Variants in TNRC6A observed in about 807,000 individuals in gnomAD.
The protein encoded by TNRC6A is trinucleotide repeat containing adaptor 6A.
TNRC6A carries 44 observed loss-of-function variants against 221.2 expected under a neutral mutation model. The observed-to-expected ratio is 0.20, with a 90% confidence interval of 0.16 to 0.26. TNRC6A has a LOEUF of 0.26. Among genes scored for constraint, TNRC6A ranks in the 10% least tolerant of loss-of-function variants. The pLI is 1.00. For synonymous variants in TNRC6A, 847 were observed against 838.5 expected (o/e 1.01, Z -0.18); for missense variants, 2,199 against 2,404.4 (o/e 0.91, Z 1.79).
At chr16:24,818,181 T>G (rs2058692160) in intron 20 of TNRC6A, among the ~76,000 whole-genome samples, 1 of 152,188 alleles carries the variant, frequency 6.6e-6, no homozygotes, top group Admixed American at 6.5e-5. Context: ...TCACTAGTAG[T>G]GTCTGTGACC....
At chr16:24,696,040 C>T (rs1024984882) in intron 2 of TNRC6A, among the ~76,000 whole-genome samples, 3 of 152,064 alleles carry the variant, frequency 2.0e-5, no homozygotes, top group South Asian at 2.1e-4. Flanking sequence ...AACTCCACTG[C>T]GCTTTTTATG....
chr16:24,742,508 A>G (rs1226643264), intron 2 of TNRC6A, among the ~76,000 whole-genome samples: 1 of 152,202 alleles, frequency 6.6e-6, no homozygotes, highest in African/African-American at 2.4e-5. Context: ...AAGGCAAGGA[A>G]GCAGGAATTG....
At chr16:24,705,907 T>A (rs2056084996) in intron 2 of TNRC6A, among the ~76,000 whole-genome samples, 1 of 152,126 alleles carries the variant, frequency 6.6e-6, no homozygotes, top group African/African-American at 2.4e-5. Flanking sequence ...GGAGACAACA[T>A]AATGACTATT....
chr16:24,715,822 T>C (rs1430994457), intron 2 of TNRC6A, among the ~76,000 whole-genome samples: 1 of 152,030 alleles, frequency 6.6e-6, no homozygotes, highest in Non-Finnish European at 1.5e-5. Flanking sequence ...GGTTTCCCTA[T>C]GTTGGCCAGG....
At chr16:24,656,544 A>T (rs1386957610) in intron 2 of TNRC6A, among the ~76,000 whole-genome samples, 1 of 152,100 alleles carries the variant, frequency 6.6e-6, no homozygotes, top group Non-Finnish European at 1.5e-5. Flanking sequence ...TATATTTAAA[A>T]TGATAATATA....
chr16:24,731,593 C>A (rs1370270862), intron 2 of TNRC6A, among the ~76,000 whole-genome samples: 1 of 152,036 alleles, frequency 6.6e-6, no homozygotes, highest in Non-Finnish European at 1.5e-5. Context: ...GATATGAAAC[C>A]ATTAAAGAAA....
At chr16:24,805,333 C>A (rs1204660059) in intron 14 of TNRC6A, 182 bp downstream of exon 14, 10 of 1,030,128 alleles carry the variant, frequency 9.7e-6, no homozygotes, top group Non-Finnish European at 1.4e-5. Flanking sequence ...AATTTAAATC[C>A]AAAATTTACC....
intron 1 of TNRC6A, among the ~76,000 whole-genome samples, chr16:24,615,237 A>G (rs1463401746): frequency 1.3e-5 from 2 of 152,162 alleles, no homozygotes; most frequent in Non-Finnish European, 2.9e-5. Context: ...TGATAATTCC[A>G]TGTACTAAGA....
intron 2 of TNRC6A, among the ~76,000 whole-genome samples, chr16:24,705,294 A>G (rs1416657751): frequency 2.0e-5 from 3 of 152,126 alleles, no homozygotes; most frequent in Non-Finnish European, 2.9e-5. Context: ...TGGCCTCTCA[A>G]ACTCTATCTT....
chr16:24,734,203 A>G (rs933258775), intron 2 of TNRC6A, among the ~76,000 whole-genome samples: 4 of 152,176 alleles, frequency 2.6e-5, no homozygotes, highest in African/African-American at 9.7e-5. Flanking sequence ...AAGGAAAAAA[A>G]AGATGAGTGT....
intron 2 of TNRC6A, among the ~76,000 whole-genome samples, chr16:24,743,725 T>G (rs1182393498): frequency 1.3e-5 from 2 of 152,240 alleles, no homozygotes; most frequent in African/African-American, 4.8e-5. Context: ...TAATCACATT[T>G]ACTTTATTCC....
intron 1 of TNRC6A, among the ~76,000 whole-genome samples, chr16:24,618,822 G>A (rs1245227818): frequency 6.6e-6 from 1 of 151,166 alleles, no homozygotes; most frequent in Non-Finnish European, 1.5e-5. Flanking sequence ...TAGAGATGGG[G>A]TTTCACCATG....
chr16:24,758,439 G>A (rs1438719641), intron 4 of TNRC6A, 79 bp downstream of exon 4: 7 of 1,428,564 alleles, frequency 4.9e-6, no homozygotes, highest in Admixed American at 3.5e-5. Flanking sequence ...TCACCTCAAG[G>A]ATGGGAGAGA....
At chr16:24,772,382 A>G (rs1740838869) in intron 4 of TNRC6A, among the ~76,000 whole-genome samples, 1 of 151,566 alleles carries the variant, frequency 6.6e-6, no homozygotes. Context: ...TTTTTTTGAA[A>G]CAAGGTCTTG....
intron 4 of TNRC6A, among the ~76,000 whole-genome samples, chr16:24,771,579 A>G (rs200725678): frequency 2.6e-4 from 16 of 62,324 alleles, no homozygotes; most frequent in Admixed American, 6.9e-4. Context: ...ATGTTATGTT[A>G]TGTTGTTATG....
chr16:24,789,176 A>G, intron 5 of TNRC6A, 56 bp from the exon 6 acceptor site: 7 of 1,472,392 alleles, frequency 4.8e-6, no homozygotes, highest in Non-Finnish European at 5.5e-6. Flanking sequence ...AGATTTTAGT[A>G]TCATTTTGAA....
rs1053012958 is a variant in TNRC6A, at chr16:24,824,888, A to G, written c.*1081A>G. The G allele has an allele frequency of 6.6e-6, 1 of 152,554 alleles. No individual in the cohort carries two copies. Among genetic ancestry groups the G allele is most frequent in the Non-Finnish European group, 1.5e-5 (1 of 68,028 alleles). 9.5% of individuals were successfully genotyped at this position (152,554 alleles called of 1,614,324 possible). ...AATTTTCTCTGCCAAAAAAAAAGAA[A>G]AAACAAAAAAACGCTTAAAGCTGGA... is the stretch of plus-strand genomic sequence containing the variant. On this transcript the variant is annotated 3_prime_UTR_variant, in exon 25 of 25. Transcript: ENST00000395799.
intron 2 of TNRC6A, among the ~76,000 whole-genome samples, chr16:24,659,918 G>A (rs1030766932): frequency 6.6e-6 from 1 of 151,922 alleles, no homozygotes; most frequent in East Asian, 1.9e-4. Context: ...TACAAAGTCG[G>A]CCTTATTAAA....
At chr16:24,761,687 A>G (rs777683388) in intron 4 of TNRC6A, among the ~76,000 whole-genome samples, 8 of 151,824 alleles carry the variant, frequency 5.3e-5, no homozygotes, top group Admixed American at 1.3e-4. Flanking sequence ...CTGTAGGGGC[A>G]GGCTATTTTT....
Sources: gnomAD v4.1 joint callset for allele counts (sites outside exome capture counted in the v4.1 genomes callset) on GRCh38, gnomAD v4.1.1 for gene constraint, MANE v1.5 for transcripts, NCBI Gene and HGNC (gene_info 2026-07-23, HGNC 2026-07-21) for gene names.